Variants in ANO3 observed in about 807,000 individuals in gnomAD.
ANO3 encodes the protein anoctamin-3.
Under a neutral mutation model 144.8 loss-of-function variants are expected in ANO3, and 99 were observed. The ratio of observed to expected loss-of-function variants is 0.68; its 90% confidence interval spans 0.58 to 0.81. The LOEUF is 0.81. Among genes scored for constraint, ANO3 ranks in the 30% least tolerant of loss-of-function variants. ANO3 has a pLI of 0.00. For synonymous variants in ANO3, 414 were observed against 392.6 expected, an observed-to-expected ratio of 1.05 and a Z score of -0.64; for missense variants, 905 against 1,202.2, an observed-to-expected ratio of 0.75 and a Z score of 3.66.
Position 26,513,485 on chromosome 11 carries a change from C to T in ANO3, c.592-3342C>T, listed in dbSNP as rs185585473. Among the ~76,000 whole-genome samples the T allele has an allele frequency of 2.7e-3, 412 of 152,240 alleles. 1 individual carries two copies. The highest frequency in any genetic ancestry group is 9.4e-3 in the African/African-American group (390 of 41,536). The stretch of plus-strand genomic sequence containing the variant: ...TAAAGTAAAACAAATCGGGAACAAC[C>T]TGGTAGTAGGAGACCCAAGTTTTCC... On this transcript the variant is annotated intron_variant, in intron 5 of 26. Transcript: ENST00000256737.
intron 1 of ANO3, among the ~76,000 whole-genome samples, chr11:26,424,429 A>G (rs955825400): frequency 6.6e-6 from 1 of 151,966 alleles, no homozygotes; most frequent in Non-Finnish European, 1.5e-5. Flanking sequence ...ATGTATGCAC[A>G]TATTTATCTG....
chr11:26,349,054 CTT>C (rs1360439775), intron 1 of ANO3, among the ~76,000 whole-genome samples: 3 of 152,242 alleles, frequency 2.0e-5, no homozygotes, highest in South Asian at 4.1e-4. Flanking sequence ...TTATGAGACT[CTT>C]TGAAAGAAAA....
rs149901742 is a variant in ANO3 at position 26,415,056 on chromosome 11, ATG to A, written c.47-26830_47-26829del. Among the ~76,000 whole-genome samples, 1,395 of 145,552 alleles carry A rather than the reference ATG, an allele frequency of 9.6e-3. 11 individuals carry two copies. Among genetic ancestry groups the A allele is most frequent in the African/African-American group, 0.016 (637 of 40,008 alleles). ...GATTGTATAAAAGTTATTGGTGTGT[ATG>A]TGTGTGTGTGTGTGTGTGTGTGTGT... On this transcript the variant is annotated intron_variant, in intron 1 of 26. Coordinates refer to ENST00000256737, the MANE Select transcript of ANO3 (RefSeq NM_031418.4).
intron 18 of ANO3, among the ~76,000 whole-genome samples, chr11:26,628,000 T>C (rs951262889): frequency 7.2e-5 from 11 of 152,182 alleles, no homozygotes; most frequent in African/African-American, 2.7e-4. Flanking sequence ...ATTTATTTTT[T>C]TCCAAGTATT....
intron 17 of ANO3, among the ~76,000 whole-genome samples, chr11:26,617,316 A>G (rs1238892480): frequency 6.6e-6 from 1 of 152,164 alleles, no homozygotes; most frequent in African/African-American, 2.4e-5. Flanking sequence ...CTTGCTCTTA[A>G]GTTTATGTGT....
At chr11:26,313,871 T>TTATAATATAATATAA (rs59751659) in intron 1 of ANO3, among the ~76,000 whole-genome samples, 4,587 of 147,494 alleles carry the variant, frequency 0.031, 126 homozygotes, top group East Asian at 0.072. Flanking sequence ...AAATTAAATA[T>TTATAATATAATATAA]TATAATATAA....
At chr11:26,398,838 G>C (rs1321418825) in intron 1 of ANO3, among the ~76,000 whole-genome samples, 2 of 151,998 alleles carry the variant, frequency 1.3e-5, no homozygotes, top group Non-Finnish European at 2.9e-5. Flanking sequence ...AAAAATGAGA[G>C]AAAAGAACAC....
At chr11:26,489,446 T>A (rs1860613653) in intron 4 of ANO3, among the ~76,000 whole-genome samples, 1 of 152,092 alleles carries the variant, frequency 6.6e-6, no homozygotes, top group African/African-American at 2.4e-5. Flanking sequence ...AAATGTGGGG[T>A]TGGAGCTCCC....
intron 1 of ANO3, among the ~76,000 whole-genome samples, chr11:26,385,905 A>G (rs937369547): frequency 2.0e-5 from 3 of 151,426 alleles, no homozygotes; most frequent in African/African-American, 7.3e-5. Context: ...ATATATATTT[A>G]TATACATATT....
At chr11:26,298,581 T>C (rs1431062016) in intron 1 of ANO3, among the ~76,000 whole-genome samples, 2 of 152,208 alleles carry the variant, frequency 1.3e-5, no homozygotes, top group East Asian at 3.8e-4. Context: ...AAGTGGGGCT[T>C]CATTGAATGA....
At chr11:26,532,150 A>G (rs1565085244) in intron 8 of ANO3, among the ~76,000 whole-genome samples, 1 of 152,188 alleles carries the variant, frequency 6.6e-6, no homozygotes, top group Non-Finnish European at 1.5e-5. Context: ...ACCACCAAAC[A>G]TGTAACATAG....
intron 1 of ANO3, among the ~76,000 whole-genome samples, chr11:26,365,980 A>T (rs67053834): frequency 0.13 from 218 of 1,642 alleles, 10 homozygotes; most frequent in South Asian, 0.43. Flanking sequence ...ATATATATAT[A>T]TATATATATA....
At chr11:26,404,330 A>C (rs1205553037) in intron 1 of ANO3, among the ~76,000 whole-genome samples, 1 of 151,854 alleles carries the variant, frequency 6.6e-6, no homozygotes, top group East Asian at 1.9e-4. Context: ...TTGATCTAAG[A>C]ATTCTGGGCT....
chr11:26,475,194 T>C (rs1367021433), intron 4 of ANO3, among the ~76,000 whole-genome samples: 2 of 151,984 alleles, frequency 1.3e-5, no homozygotes, highest in Non-Finnish European at 2.9e-5. Context: ...CTTCTTAGTT[T>C]TTTTTATTTT....
chr11:26,458,742 T>C (rs774618428), intron 3 of ANO3, among the ~76,000 whole-genome samples: 19 of 152,236 alleles, frequency 1.2e-4, no homozygotes, highest in Middle Eastern at 6.8e-3. Context: ...GAACTAAATA[T>C]CTGGATATAG....
intron 14 of ANO3, among the ~76,000 whole-genome samples, chr11:26,591,323 A>G (rs294000): frequency 0.87 from 132,792 of 152,062 alleles, 58,325 homozygotes; most frequent in East Asian, 0.96. Context: ...AGATTTCCTC[A>G]GGAGGGGTGC....
chr11:26,452,468 G>C (rs1858983315), intron 3 of ANO3, among the ~76,000 whole-genome samples: 1 of 152,232 alleles, frequency 6.6e-6, no homozygotes, highest in Non-Finnish European at 1.5e-5. Context: ...TCAACTGGAA[G>C]AAAGGGTATC....
chr11:26,271,984 T>C (rs1036583703), intron 1 of ANO3, among the ~76,000 whole-genome samples: 4 of 152,108 alleles, frequency 2.6e-5, no homozygotes, highest in Admixed American at 6.6e-5. Flanking sequence ...TATCTTTTAA[T>C]CCTTATAAAA....
chr11:26,494,183 A>AAAATATATATACATTTACATATAT (rs1860831636), intron 4 of ANO3, among the ~76,000 whole-genome samples: 1 of 151,218 alleles, frequency 6.6e-6, no homozygotes, highest in Admixed American at 6.6e-5. Context: ...GTAGTTTTGT[A>AAAATATATATACATTTACATATAT]AAATATATAT....
Sources: allele counts gnomAD v4.1 joint callset (sites outside exome capture counted in the v4.1 genomes callset), GRCh38; gene constraint gnomAD v4.1.1; transcripts MANE v1.5; gene names NCBI Gene and HGNC (gene_info 2026-07-23, HGNC 2026-07-21).